Variants in EFL1 observed in about 807,000 individuals in gnomAD.
EFL1 encodes elongation factor like GTPase 1.
A neutral mutation model predicts 126.7 loss-of-function variants in EFL1; 76 were observed. That is an observed-to-expected ratio of 0.60 (90% CI 0.50 to 0.73). The LOEUF is 0.73. Among genes scored for constraint, EFL1 ranks in the 30% least tolerant of loss-of-function variants. EFL1 has a pLI of 0.00. For synonymous variants in EFL1, 410 were observed against 448.4 expected, an observed-to-expected ratio of 0.91 and a Z score of 1.08; for missense variants, 1,128 against 1,343.2, an observed-to-expected ratio of 0.84 and a Z score of 2.50.
At chr15:82,195,051 T>G (rs1006764061) in intron 15 of EFL1, among the ~76,000 whole-genome samples, 3 of 152,246 alleles carry the variant, frequency 2.0e-5, no homozygotes, top group Admixed American at 1.3e-4. Context: ...GTTATAATTT[T>G]ACTAATAAAC....
At chr15:82,235,857 A>G (rs2074867454) in intron 7 of EFL1, among the ~76,000 whole-genome samples, 1 of 152,188 alleles carries the variant, frequency 6.6e-6, no homozygotes, top group Non-Finnish European at 1.5e-5. Flanking sequence ...TGCAATCAGC[A>G]AAAGAGAAAA....
rs2073905823 is a variant in EFL1, at chr15:82,151,460, C to G, written c.2989+5G>C. 1.3e-6 allele frequency: 2 copies of G among 1,597,102 alleles called. No homozygotes were observed. Among genetic ancestry groups the G allele is most frequent in the Non-Finnish European group, 1.7e-6 (2 of 1,173,322 alleles). On this transcript the variant is annotated splice_donor_5th_base_variant and intron_variant, in intron 18 of 19. Coordinates refer to ENST00000268206, the MANE Select transcript of EFL1 (RefSeq NM_024580.6). ...TTCTCACTATCTTTACCTTTTCTTC[C>G]TTACCGAGAACATCACCAGTGGCCA...
chr15:82,133,010 G>A (rs1001301157), intron 19 of EFL1, among the ~76,000 whole-genome samples: 2 of 152,128 alleles, frequency 1.3e-5, no homozygotes, highest in African/African-American at 2.4e-5. Flanking sequence ...GAAAGTGGTT[G>A]CCACTCAAAA....
intron 18 of EFL1, 52 bp downstream of exon 18, chr15:82,151,413 A>C: frequency 6.7e-7 from 1 of 1,498,958 alleles, no homozygotes. Context: ...AGTCTAGGAG[A>C]CTTCACTGTT....
intron 15 of EFL1, among the ~76,000 whole-genome samples, chr15:82,207,900 C>A (rs919567293): frequency 6.6e-6 from 1 of 151,854 alleles, no homozygotes; most frequent in Non-Finnish European, 1.5e-5. Context: ...TTTCTATTTC[C>A]AGTAGAGATG....
intron 4 of EFL1, among the ~76,000 whole-genome samples, chr15:82,242,273 T>G (rs573042154): frequency 1.3e-5 from 2 of 150,374 alleles, no homozygotes; most frequent in East Asian, 3.9e-4. Flanking sequence ...ACTTTACTTT[T>G]GCTCCTCCCC....
chr15:82,213,602 G>A (rs1266655157), intron 15 of EFL1, among the ~76,000 whole-genome samples: 2 of 152,160 alleles, frequency 1.3e-5, no homozygotes, highest in Non-Finnish European at 2.9e-5. Flanking sequence ...TCAGCAGAAT[G>A]CCTTTTCTTT....
Position 82,152,199 on chromosome 15 carries a change from C to G in EFL1, c.2255G>C (p.Ser752Thr). 2 of 1,614,194 alleles carry G rather than the reference C, an allele frequency of 1.2e-6. No homozygotes were observed. Among genetic ancestry groups the G allele is most frequent in the Non-Finnish European group, 1.7e-6 (2 of 1,180,040 alleles). The change falls in exon 18 of 20, where the codon AGT (serine) becomes ACT (threonine). Residue 752 changes from serine (S) to threonine (T), a missense_variant. By Grantham distance (58) the Ser-to-Thr change is moderately conservative (BLOSUM62 1). Around this residue, in one of 6 missense-constraint regions of EFL1, gnomAD observed 561 missense variants for 641.7 expected, o/e 0.87. Transcript: ENST00000268206. ...TTCTGGAAGGGGCATGGCTCGAACA[C>G]TGAGCGTGGCAAGTTTATTGGGAGT... ...ITTPNKLATL[S>T]VRAMPLPEEV...
At chr15:82,254,351 C>A (rs2075048956) in intron 3 of EFL1, among the ~76,000 whole-genome samples, 1 of 152,148 alleles carries the variant, frequency 6.6e-6, no homozygotes, top group Admixed American at 6.5e-5. Flanking sequence ...AAGTCTCAGT[C>A]CCTTGTCAGT....
intron 14 of EFL1, among the ~76,000 whole-genome samples, chr15:82,217,793 T>C (rs549529935): frequency 1.3e-5 from 2 of 152,146 alleles, no homozygotes; most frequent in Non-Finnish European, 1.5e-5. Context: ...AAACGGAATA[T>C]GGCAAAAGTG....
chr15:82,180,191 C>G (rs2074234904), intron 15 of EFL1, among the ~76,000 whole-genome samples: 1 of 152,046 alleles, frequency 6.6e-6, no homozygotes. Context: ...TCCCCGTCCC[C>G]ACTCCCCAAC....
At chr15:82,226,808 T>C (rs1183528547) in intron 11 of EFL1, among the ~76,000 whole-genome samples, 3 of 152,166 alleles carry the variant, frequency 2.0e-5, no homozygotes, top group African/African-American at 7.2e-5. Flanking sequence ...TGAACCTTGC[T>C]TGAGGCACCC....
rs77957400 is a variant in EFL1 at position 82,163,756 on chromosome 15, T to C, written c.1882+97A>G. 4 of 1,411,556 alleles carry C rather than the reference T, an allele frequency of 2.8e-6. No homozygotes were observed. In the East Asian group the frequency reaches 7.5e-5, roughly 26 times the overall value. The allele number at this position is 1,411,556 out of a possible 1,614,324, so 87.4% of individuals were successfully genotyped here. ...TAGACCTCAATGAAAATTCATTATA[T>C]ACTGCTGAAACAAGTCATGAGGAAT... On this transcript the variant is annotated intron_variant, in intron 16 of 19. Coordinates refer to ENST00000268206, the MANE Select transcript of EFL1 (RefSeq NM_024580.6).
Position 82,211,595 on chromosome 15 carries a change from G to GACACACACACACACACACACACACAC in EFL1, c.1750+3121_1750+3122insGTGTGTGTGTGTGTGTGTGTGTGTGT, listed in dbSNP as rs10543301. Among the ~76,000 whole-genome samples the GACACACACACACACACACACACACAC allele has an allele frequency of 9.2e-3, 974 of 105,716 alleles. 51 individuals are homozygous for GACACACACACACACACACACACACAC. Among genetic ancestry groups the GACACACACACACACACACACACACAC allele is most frequent in the Middle Eastern group, 0.02 (4 of 204 alleles). 69.4% of individuals were successfully genotyped at this position (105,716 alleles called of 152,430 possible). On this transcript the variant is annotated intron_variant, in intron 15 of 19. Coordinates refer to ENST00000268206, the MANE Select transcript of EFL1 (RefSeq NM_024580.6). ...ACACACACACACTAGACACATACTA[G>GACACACACACACACACACACACACAC]ACACACACACACACACACACACACT...
chr15:82,228,103 T>C, intron 10 of EFL1, 88 bp downstream of exon 10: 1 of 1,462,926 alleles, frequency 6.8e-7, no homozygotes, highest in Non-Finnish European at 9.1e-7. Flanking sequence ...GAATGTTATT[T>C]CCAGAGAATT....
chr15:82,227,612 G>T (rs761939745), intron 10 of EFL1, 40 bp from the exon 11 acceptor site: 1 of 1,613,006 alleles, frequency 6.2e-7, no homozygotes, highest in South Asian at 1.1e-5. Context: ...TTGAGCCAGT[G>T]CCTCCCACCA....
chr15:82,178,868 A>G (rs189067097), intron 15 of EFL1, among the ~76,000 whole-genome samples: 33 of 152,320 alleles, frequency 2.2e-4, no homozygotes, highest in Admixed American at 1.7e-3. Context: ...TGGGCTTAGC[A>G]TGGTGGCTCA....
chr15:82,142,453 G>A lies in EFL1; in HGVS notation c.2990-3611C>T, dbSNP rs1313751891. ...TGCAGTGGACTATGATTGTGCCACT[G>A]TACTCCAGCCTGGGTGACTGGGCAG... On this transcript the variant is annotated intron_variant, in intron 18 of 19. Transcript: ENST00000268206. Among the ~76,000 whole-genome samples, 4 of 152,238 alleles carry A rather than the reference G, an allele frequency of 2.6e-5. No homozygotes were observed. The East Asian group carries it at 7.7e-4, about 29-fold the overall frequency.
intron 6 of EFL1, among the ~76,000 whole-genome samples, chr15:82,239,175 T>C (rs951704790): frequency 3.3e-5 from 5 of 152,154 alleles, no homozygotes; most frequent in Non-Finnish European, 5.9e-5. Context: ...CTCGCTCTGT[T>C]GCCCAGGCTG....
Sources: allele counts gnomAD v4.1 joint callset (sites outside exome capture counted in the v4.1 genomes callset), GRCh38; gene constraint gnomAD v4.1.1; regional missense constraint gnomAD v4.1.1; transcripts MANE v1.5; gene names NCBI Gene and HGNC (gene_info 2026-07-23, HGNC 2026-07-21).